The following ATAD2B variants were observed in gnomAD, a reference collection of about 807,000 sequenced individuals.
ATAD2B encodes ATPase family AAA domain-containing protein 2B.
In ATAD2B, 40 loss-of-function variants were observed where a neutral mutation model predicts 167.6. The observed-to-expected ratio is 0.24, with a 90% confidence interval of 0.19 to 0.31. The LOEUF is 0.31. Among genes scored for constraint, ATAD2B ranks in the 10% least tolerant of loss-of-function variants. The probability of loss-of-function intolerance (pLI) is 1.00; values close to 1 mark genes in which losing one functional copy is unlikely to be tolerated. For missense variants in ATAD2B, 1,242 were observed against 1,757.2 expected (o/e 0.71, Z 5.24); for synonymous variants, 579 against 596.5 (o/e 0.97, Z 0.43).
At chr2:23,708,516 A>G in the ATAD2B span, 3 of 152,246 alleles carry the variant, frequency 2.0e-5, no homozygotes, top group Admixed American at 1.3e-4. Flanking sequence ...TGAATGATAT[A>G]AAACAGGGTT....
intron 6 of ATAD2B, among the ~76,000 whole-genome samples, chr2:23,882,099 C>T (rs1697994476): frequency 6.6e-6 from 1 of 152,194 alleles, no homozygotes; most frequent in African/African-American, 2.4e-5. Context: ...GAGGCACCTG[C>T]CTCTAGTCCC....
the ATAD2B span, among the ~76,000 whole-genome samples, chr2:23,699,477 T>C: frequency 1.3e-5 from 2 of 152,196 alleles, no homozygotes; most frequent in African/African-American, 4.8e-5. Context: ...TGAGGACCGA[T>C]ATTCCAGCTT....
chr2:23,756,779 G>C (rs114281426), intron 25 of ATAD2B, among the ~76,000 whole-genome samples: 2 of 152,224 alleles, frequency 1.3e-5, no homozygotes, highest in African/African-American at 4.8e-5. Flanking sequence ...ACAGCCCTTG[G>C]ATTCAATTAA....
chr2:23,902,737 T>A (rs1260434905), intron 1 of ATAD2B, among the ~76,000 whole-genome samples: 2 of 152,122 alleles, frequency 1.3e-5, no homozygotes, highest in Non-Finnish European at 2.9e-5. Flanking sequence ...ACTATGTACA[T>A]AAGACGTGGA....
intron 13 of ATAD2B, among the ~76,000 whole-genome samples, chr2:23,849,513 T>C (rs1038344156): frequency 3.3e-5 from 5 of 152,170 alleles, no homozygotes; most frequent in South Asian, 2.1e-4. Flanking sequence ...CTGCAATCAA[T>C]AGAATTAGAC....
At chr2:23,862,717 G>A (rs996818192) in intron 12 of ATAD2B, among the ~76,000 whole-genome samples, 4 of 152,100 alleles carry the variant, frequency 2.6e-5, no homozygotes, top group Admixed American at 6.6e-5. Context: ...TTCTAGTACC[G>A]TATTTACAGC....
the ATAD2B span, among the ~76,000 whole-genome samples, chr2:23,692,467 GC>G: frequency 6.6e-6 from 1 of 152,214 alleles, no homozygotes; most frequent in Non-Finnish European, 1.5e-5. Context: ...AAAGACGAAA[GC>G]CCCCAAAGAA....
intron 13 of ATAD2B, among the ~76,000 whole-genome samples, chr2:23,840,257 GCTTAGGC>G (rs1275765408): frequency 1.3e-5 from 2 of 151,940 alleles, no homozygotes; most frequent in African/African-American, 2.4e-5. Context: ...CACCTCTTAA[GCTTAGGC>G]CTTTATGCTC....
At chr2:23,823,172 C>T (rs1572913917) in intron 16 of ATAD2B, 86 bp downstream of exon 16, 1 of 1,163,146 alleles carries the variant, frequency 8.6e-7, no homozygotes, top group Admixed American at 2.6e-5. Flanking sequence ...ACAAAAGTGA[C>T]ACATAAATAA....
At chr2:23,922,641 G>A (rs752997852) in intron 1 of ATAD2B, among the ~76,000 whole-genome samples, 1 of 149,364 alleles carries the variant, frequency 6.7e-6, no homozygotes, top group East Asian at 2.0e-4. Flanking sequence ...AATGGGCAAA[G>A]CAGGATTTTA....
chr2:23,733,750 T>A, the ATAD2B span, among the ~76,000 whole-genome samples: 2 of 152,174 alleles, frequency 1.3e-5, no homozygotes, highest in African/African-American at 4.8e-5. Context: ...TGAATCCTAC[T>A]GATTCTACCT....
chr2:23,740,605 G>A, the ATAD2B span, among the ~76,000 whole-genome samples: 4 of 152,118 alleles, frequency 2.6e-5, no homozygotes, highest in African/African-American at 9.6e-5. Flanking sequence ...ATACTGAATG[G>A]GCAAAAACTG....
chr2:23,875,360 C>T (rs996738554), intron 8 of ATAD2B, among the ~76,000 whole-genome samples: 22 of 151,180 alleles, frequency 1.5e-4, no homozygotes, highest in African/African-American at 5.1e-4. Flanking sequence ...ATTAGCTGGG[C>T]ATGGTGGCGC....
chr2:23,697,098 C>T, the ATAD2B span: 1 of 151,880 alleles, frequency 6.6e-6, no homozygotes, highest in Non-Finnish European at 1.5e-5. Flanking sequence ...TGCCAACCCT[C>T]TAGAACTTTC....
intron 18 of ATAD2B, among the ~76,000 whole-genome samples, chr2:23,804,462 G>A (rs1416395510): frequency 6.6e-6 from 1 of 152,042 alleles, no homozygotes; most frequent in East Asian, 1.9e-4. Context: ...TATAAACTCA[G>A]AAGATGAGAT....
At chr2:23,829,031 A>G in intron 14 of ATAD2B, 92 bp from the exon 15 acceptor site, 1 of 767,354 alleles carries the variant, frequency 1.3e-6, no homozygotes, top group South Asian at 1.8e-5. Context: ...TAGGTGGAAC[A>G]AATTTTGACT....
the ATAD2B span, among the ~76,000 whole-genome samples, chr2:23,739,058 T>G: frequency 2.9e-4 from 44 of 152,276 alleles, no homozygotes; most frequent in African/African-American, 9.6e-4. Context: ...AGCAAGTCCT[T>G]AATGACCTAC....
intron 17 of ATAD2B, among the ~76,000 whole-genome samples, chr2:23,816,345 T>G (rs117391754): frequency 1.2e-3 from 183 of 152,310 alleles, no homozygotes; most frequent in African/African-American, 4.2e-3. Flanking sequence ...AGATGTATAC[T>G]TAGAAACAAG....
At chr2:23,690,567 A>G in the ATAD2B span, 1 of 152,230 alleles carries the variant, frequency 6.6e-6, no homozygotes, top group Non-Finnish European at 1.5e-5. Context: ...CACAGAGGTC[A>G]TTTCCCAGCC....
Sources: gnomAD v4.1 joint callset for allele counts (sites outside exome capture counted in the v4.1 genomes callset) on GRCh38, gnomAD v4.1.1 for gene constraint, MANE v1.5 for transcripts, NCBI Gene and HGNC (gene_info 2026-07-23, HGNC 2026-07-21) for gene names.